PHACTR4: variants seen among roughly 807,000 people sequenced by gnomAD.
The protein encoded by PHACTR4 is phosphatase and actin regulator 4.
A neutral mutation model predicts 72.7 loss-of-function variants in PHACTR4; 51 were observed. The ratio of observed to expected loss-of-function variants is 0.70; its 90% CI spans 0.56 to 0.89. The LOEUF is 0.89. Ranked by LOEUF, PHACTR4 falls within the 40% of genes least tolerant of loss-of-function variation. PHACTR4 has a pLI of 0.00. For synonymous variants in PHACTR4, 255 were observed against 302.5 expected, an observed-to-expected ratio of 0.84 and a Z score of 1.63; for missense variants, 731 against 861.8, an observed-to-expected ratio of 0.85 and a Z score of 1.90.
intron 1 of PHACTR4, among the ~76,000 whole-genome samples, chr1:28,380,032 T>C (rs1652027595): frequency 6.6e-6 from 1 of 151,324 alleles, no homozygotes; most frequent in Admixed American, 6.6e-5. Context: ...AATGTTATTC[T>C]GTGTTTTTTT....
chr1:28,380,051 CTT>C (rs1227241664), intron 1 of PHACTR4, among the ~76,000 whole-genome samples: 2 of 117,324 alleles, frequency 1.7e-5, no homozygotes, highest in South Asian at 2.7e-4. Flanking sequence ...TTAAATGTAA[CTT>C]TTTTTTTTTT....
intron 6 of PHACTR4, among the ~76,000 whole-genome samples, chr1:28,469,891 A>C (rs1205795746): frequency 2.0e-5 from 3 of 151,712 alleles, no homozygotes; most frequent in East Asian, 3.9e-4. Flanking sequence ...CCCCATCTCT[A>C]CTAAAAATAC....
At chr1:28,475,984 T>A in intron 7 of PHACTR4, 123 bp from the exon 8 acceptor site, 1 of 885,932 alleles carries the variant, frequency 1.1e-6, no homozygotes, top group Admixed American at 3.5e-5. Context: ...CACCTCCATC[T>A]CCCAAAGTGC....
intron 1 of PHACTR4, among the ~76,000 whole-genome samples, chr1:28,405,125 A>G (rs1008754186): frequency 6.6e-6 from 1 of 152,044 alleles, no homozygotes; most frequent in Non-Finnish European, 1.5e-5. Flanking sequence ...TATTGACTGT[A>G]TATCTTCTCT....
intron 2 of PHACTR4, among the ~76,000 whole-genome samples, chr1:28,450,314 A>C (rs1657849723): frequency 6.6e-6 from 1 of 151,984 alleles, no homozygotes; most frequent in Admixed American, 6.6e-5. Context: ...CACTCATAGA[A>C]AACAGAATGG....
At chr1:28,475,729 C>CTTTTTTTTTTTTTTTTTTTTTTT (rs71672836) in intron 7 of PHACTR4, among the ~76,000 whole-genome samples, 1 of 135,290 alleles carries the variant, frequency 7.4e-6, no homozygotes, top group Non-Finnish European at 1.6e-5. Flanking sequence ...AGTCCTTTGT[C>CTTTTTTTTTTTTTTTTTTTTTTT]TTTTTTTTTT....
intron 7 of PHACTR4, among the ~76,000 whole-genome samples, chr1:28,474,910 CT>C (rs936947321): frequency 1.3e-5 from 2 of 150,908 alleles, no homozygotes; most frequent in African/African-American, 2.5e-5. Flanking sequence ...TGGACTCTTT[CT>C]TTTTTTAATC....
At chr1:28,490,400 C>CG (rs1660956122) in intron 10 of PHACTR4, among the ~76,000 whole-genome samples, 2 of 151,716 alleles carry the variant, frequency 1.3e-5, no homozygotes, top group African/African-American at 4.8e-5. Context: ...GGCATGGTGG[C>CG]GGGCGCCTGT....
chr1:28,432,157 C>T lies in PHACTR4; in HGVS notation c.16+24694C>T, dbSNP rs915100291. Among the ~76,000 whole-genome samples, 6 of 151,730 alleles carry T rather than the reference C, an allele frequency of 4.0e-5. No individual in the cohort carries two copies. The East Asian group carries it at 7.7e-4, about 20-fold the overall frequency. ...CCAGGAGGTGGAGGTTGCAGTGAGC[C>T]GAGATCGTGCCACTGCACTCCAGCC... is the stretch of plus-strand genomic sequence containing the variant. On this transcript the variant is annotated intron_variant, in intron 2 of 13. Transcript: ENST00000373839.
At position 28,398,905 on chromosome 1, in the gene PHACTR4, T is replaced by A. The variant is rs79647690; in HGVS notation, c.-38-8505T>A. Among the ~76,000 whole-genome samples the A allele has an allele frequency of 2.1e-3, 318 of 152,302 alleles. 7 individuals are homozygous for A. In the East Asian group the frequency reaches 0.048, roughly 23 times the overall value. ...CAATAGTTTTATCAGATCTCAAATA[T>A]GTATGTTTTGTATCCATCCTACTGG... On this transcript the variant is annotated intron_variant, in intron 1 of 13. Coordinates refer to ENST00000373839, the MANE Select transcript of PHACTR4 (RefSeq NM_001048183.3).
Position 28,438,298 on chromosome 1 carries a change from C to T in PHACTR4, c.17-20787C>T. 1.9e-6 allele frequency: 3 copies of T among 1,549,626 alleles called. No homozygotes were observed. The South Asian group carries it at 3.7e-5, about 19-fold the overall frequency. On this transcript the variant is annotated intron_variant, in intron 2 of 13. Transcript: ENST00000373839. ...TGACACTGAAAGAGGACCGCATGTC[C>T]CCTCTTTATGTGGATTTATCTTTTA... is the stretch of plus-strand genomic sequence containing the variant.
chr1:28,491,518 A>G, intron 11 of PHACTR4, 132 bp from the exon 12 acceptor site: 1 of 1,237,240 alleles, frequency 8.1e-7, no homozygotes, highest in Non-Finnish European at 1.2e-6. Flanking sequence ...TGGGACCTCC[A>G]GGGATCAATA....
At chr1:28,474,417 G>A (rs1413129266) in intron 7 of PHACTR4, among the ~76,000 whole-genome samples, 9 of 150,690 alleles carry the variant, frequency 6.0e-5, no homozygotes, top group African/African-American at 2.2e-4. Context: ...CCAGCTACTC[G>A]GGAGGCTGAG....
intron 2 of PHACTR4, among the ~76,000 whole-genome samples, chr1:28,451,071 C>T (rs571737432): frequency 1.0e-4 from 15 of 150,016 alleles, no homozygotes; most frequent in Admixed American, 3.4e-4. Flanking sequence ...CCGCCCACCT[C>T]GGCCTCCCAA....
rs758701055 is a variant in PHACTR4, at chr1:28,473,922, A to T, written c.1192A>T (p.Ile398Leu). The change falls in exon 7 of 14, where the codon ATA (isoleucine) becomes TTA (leucine). Residue 398 changes from isoleucine to leucine, a missense_variant. By Grantham distance (5) the Ile-to-Leu change is conservative. This residue lies in a region of PHACTR4 where 621 missense variants were observed against 676.6 expected (regional missense o/e 0.92). Coordinates refer to ENST00000373839, the MANE Select transcript of PHACTR4 (RefSeq NM_001048183.3). ...EDQKKEVPKR[I>L]LDQNFGEPHI... ...TCAGAAAAAGGAAGTCCCCAAGAGGATACTGGACCAGAACTTTGGGGAGCC... is the reference window on the plus strand; with the variant it reads ...TCAGAAAAAGGAAGTCCCCAAGAGGTTACTGGACCAGAACTTTGGGGAGCC... 5.6e-6 allele frequency: 9 copies of T among 1,614,162 alleles called. No homozygotes were observed. In the Admixed American group the frequency reaches 1.5e-4, roughly 27 times the overall value.
At chr1:28,423,187 C>A (rs1319701266) in intron 2 of PHACTR4, among the ~76,000 whole-genome samples, 3 of 152,116 alleles carry the variant, frequency 2.0e-5, no homozygotes, top group Non-Finnish European at 4.4e-5. Context: ...CGGGAGGATC[C>A]CTTGAGCCCA....
At position 28,496,702 on chromosome 1, in the gene PHACTR4, C is replaced by A; in HGVS notation, c.*153C>A. ...ACAGCACTTTGAATGTAGCATTTCA[C>A]TGGAACAGAGTCTTATGTGCTGCAC... On this transcript the variant is annotated 3_prime_UTR_variant, in exon 14 of 14. Transcript: ENST00000373839. The A allele has an allele frequency of 1.1e-6, 1 of 870,312 alleles. No homozygotes were observed. Among genetic ancestry groups the A allele is most frequent in the Non-Finnish European group, 1.9e-6 (1 of 531,736 alleles). 53.9% of individuals were successfully genotyped at this position (870,312 alleles called of 1,614,324 possible).
At chr1:28,412,608 G>A (rs12090682) in intron 2 of PHACTR4, among the ~76,000 whole-genome samples, 44,436 of 152,060 alleles carry the variant, frequency 0.29, 6,761 homozygotes, top group Middle Eastern at 0.34. Flanking sequence ...TTGTGTTAAG[G>A]TGCTAACAGT....
chr1:28,408,386 C>G (rs1000497927), intron 2 of PHACTR4, among the ~76,000 whole-genome samples: 3 of 152,024 alleles, frequency 2.0e-5, no homozygotes, highest in Non-Finnish European at 4.4e-5. Flanking sequence ...ATGGTGAAAC[C>G]CCATCTACTA....
Sources: allele counts gnomAD v4.1 joint callset (sites outside exome capture counted in the v4.1 genomes callset), GRCh38; gene constraint gnomAD v4.1.1; regional missense constraint gnomAD v4.1.1; transcripts MANE v1.5; gene names NCBI Gene and HGNC (gene_info 2026-07-23, HGNC 2026-07-21).